The following TTC7A variants were observed in gnomAD, a reference collection of about 807,000 sequenced individuals.
The protein encoded by TTC7A is tetratricopeptide repeat domain 7A.
In TTC7A, 110 loss-of-function variants were observed where a neutral mutation model predicts 103.7. That is an observed-to-expected ratio of 1.06 (90% CI 0.91 to 1.24). TTC7A has a LOEUF of 1.24. Among genes scored for constraint, TTC7A ranks in the 50% most tolerant of loss-of-function variants. The pLI is 0.00. For missense variants in TTC7A, 1,340 were observed against 1,116.3 expected (o/e 1.20, Z -2.86); for synonymous variants, 521 against 467.9 (o/e 1.11, Z -1.47).
intron 5 of TTC7A, among the ~76,000 whole-genome samples, chr2:46,987,809 C>CGTGTGTGTGTGTGTGTGT (rs34664382): frequency 8.6e-4 from 125 of 144,642 alleles, no homozygotes; most frequent in African/African-American, 2.2e-3. Context: ...CCTTTCCGCG[C>CGTGTGTGTGTGTGTGTGT]GTGTGTGTGT....
chr2:47,011,201 G>C, intron 10 of TTC7A, 130 bp from the exon 11 acceptor site: 1 of 766,766 alleles, frequency 1.3e-6, no homozygotes, highest in Non-Finnish European at 2.1e-6. Context: ...CTCTGCCCTG[G>C]ACCTCTTCCT....
chr2:47,068,777 C>T (rs1684396802), intron 19 of TTC7A, among the ~76,000 whole-genome samples: 1 of 150,158 alleles, frequency 6.7e-6, no homozygotes, highest in South Asian at 2.1e-4. Flanking sequence ...CCATCACCAA[C>T]CCTGATGAGG....
rs532230141 is a variant in TTC7A, at chr2:46,972,365, C to T, written c.518-2608C>T. The stretch of plus-strand genomic sequence containing the variant: ...CTTTTCTTAAATAAAAATTTTAAAT[C>T]GCAGTAAAAAAGCCCCATACAACAT... On this transcript the variant is annotated intron_variant, in intron 3 of 19. Coordinates refer to ENST00000319190, the MANE Select transcript of TTC7A (RefSeq NM_020458.4). 5.3e-5 allele frequency among the ~76,000 whole-genome samples: 8 copies of T among 152,114 alleles called. No individual in the cohort carries two copies. The East Asian group carries it at 7.7e-4, about 15-fold the overall frequency.
At chr2:46,944,908 G>A (rs975420158) in intron 1 of TTC7A, among the ~76,000 whole-genome samples, 4 of 150,200 alleles carry the variant, frequency 2.7e-5, no homozygotes, top group East Asian at 1.9e-4. Context: ...TAACAATTAC[G>A]TTTTACAATT....
In TTC7A at chr2:47,072,587, G is replaced by T. The variant is rs1684853013; in HGVS notation, c.2356-1115G>T. 2.6e-5 allele frequency among the ~76,000 whole-genome samples: 4 copies of T among 152,214 alleles called. No homozygotes were observed. In the South Asian group the frequency reaches 8.3e-4, roughly 32 times the overall value. On this transcript the variant is annotated intron_variant, in intron 19 of 19. Transcript: ENST00000319190. Reference sequence around the variant, plus strand: ...GTTCCAGCTAAAAATGTACATGGCCGTCAGTGGGCGGGCACCGGAGAGGGG... The same window carrying T: ...GTTCCAGCTAAAAATGTACATGGCCTTCAGTGGGCGGGCACCGGAGAGGGG...
intron 5 of TTC7A, among the ~76,000 whole-genome samples, chr2:46,987,813 T>C (rs112867193): frequency 0.11 from 14,919 of 137,580 alleles, 876 homozygotes; most frequent in Admixed American, 0.17. Flanking sequence ...TCCGCGCGTG[T>C]GTGTGTGTGT....
intron 5 of TTC7A, among the ~76,000 whole-genome samples, chr2:46,979,671 G>C (rs1249196508): frequency 6.6e-6 from 1 of 152,184 alleles, no homozygotes; most frequent in Non-Finnish European, 1.5e-5. Flanking sequence ...GAAGATTCAA[G>C]ATGAGGAGTG....
At chr2:47,033,684 G>T (rs1303135909) in intron 15 of TTC7A, among the ~76,000 whole-genome samples, 1 of 152,178 alleles carries the variant, frequency 6.6e-6, no homozygotes, top group Non-Finnish European at 1.5e-5. Context: ...TCTCTCCCCT[G>T]GCTTGGGAGG....
intron 11 of TTC7A, among the ~76,000 whole-genome samples, chr2:47,019,029 T>A (rs1233376586): frequency 6.6e-6 from 1 of 152,222 alleles, no homozygotes; most frequent in African/African-American, 2.4e-5. Context: ...AGAACAGAGA[T>A]GACAAAGTCA....
chr2:47,062,939 C>T (rs368886394), intron 19 of TTC7A, among the ~76,000 whole-genome samples: 34 of 152,326 alleles, frequency 2.2e-4, no homozygotes, highest in African/African-American at 8.2e-4. Flanking sequence ...GAGGGGCAGT[C>T]GGCTTCTGCG....
At position 47,005,942 on chromosome 2, in the gene TTC7A, G is replaced by A; in HGVS notation, c.1086G>A (p.Leu362=). The A allele has an allele frequency of 1.2e-6, 2 of 1,614,148 alleles. No homozygotes were observed. The highest frequency in any genetic ancestry group is 1.7e-6 in the Non-Finnish European group (2 of 1,180,030). Residue 362 remains leucine (L), a synonymous_variant, in exon 9 of 20, where the codon CTG becomes CTA. Coordinates refer to ENST00000319190, the MANE Select transcript of TTC7A (RefSeq NM_020458.4). ...CACAGGCAACTCGAGATGTGGTGCT[G>A]AGCCGGGTGCCGGAGCAGGAGGAGG... ...SESMATRDVV[L]SRVPEQEEDR... is the part of the protein sequence containing the mutation.
At chr2:47,036,462 G>C (rs917596749) in intron 15 of TTC7A, among the ~76,000 whole-genome samples, 2 of 152,206 alleles carry the variant, frequency 1.3e-5, no homozygotes, top group Non-Finnish European at 1.5e-5. Context: ...GGGTTAAGAA[G>C]AGCTGCTAAA....
chr2:46,958,271 G>A (rs1332955441), intron 3 of TTC7A, among the ~76,000 whole-genome samples: 1 of 152,236 alleles, frequency 6.6e-6, no homozygotes, highest in Admixed American at 6.5e-5. Flanking sequence ...ACTGTGGGTG[G>A]TCTTCGTCCT....
intron 3 of TTC7A, among the ~76,000 whole-genome samples, chr2:46,963,733 CG>C (rs141639784): frequency 0.12 from 18,967 of 152,186 alleles, 1,320 homozygotes; most frequent in African/African-American, 0.18. Context: ...TAGCTGAATC[CG>C]GGGGCTCAGC....
intron 2 of TTC7A, among the ~76,000 whole-genome samples, chr2:46,925,092 T>C (rs532276398): frequency 5.9e-5 from 9 of 152,380 alleles, no homozygotes; most frequent in African/African-American, 2.2e-4. Context: ...CAGATCTGTT[T>C]GTTGCACTGC....
intron 11 of TTC7A, among the ~76,000 whole-genome samples, chr2:47,019,743 G>A (rs1006031321): frequency 2.0e-5 from 3 of 151,998 alleles, no homozygotes; most frequent in Middle Eastern, 3.2e-3. Flanking sequence ...CATTTGCTGA[G>A]CAGAAGGACA....
upstream of TTC7A, among the ~76,000 whole-genome samples, chr2:46,939,662 C>A (rs892670107): frequency 2.6e-5 from 4 of 152,190 alleles, no homozygotes; most frequent in Non-Finnish European, 5.9e-5. Context: ...CTCTTATCAA[C>A]CCTGCTGTTC....
At chr2:47,054,702 G>T (rs767331607) in intron 18 of TTC7A, among the ~76,000 whole-genome samples, 2 of 152,082 alleles carry the variant, frequency 1.3e-5, no homozygotes, top group Non-Finnish European at 2.9e-5. Flanking sequence ...GGGCATGGTG[G>T]TGCATGCCTG....
intron 11 of TTC7A, among the ~76,000 whole-genome samples, chr2:47,017,099 C>T (rs1414114242): frequency 2.7e-5 from 4 of 148,582 alleles, no homozygotes; most frequent in Non-Finnish European, 4.4e-5. Flanking sequence ...ACTCGGAAGG[C>T]TGAGGCAGGA....
Sources: allele counts gnomAD v4.1 joint callset (sites outside exome capture counted in the v4.1 genomes callset), GRCh38; gene constraint gnomAD v4.1.1; transcripts MANE v1.5; gene names NCBI Gene and HGNC (gene_info 2026-07-23, HGNC 2026-07-21).